CELF4: variants seen among roughly 807,000 people sequenced by gnomAD.
CELF4 encodes CUGBP Elav-like family member 4.
In CELF4, 18 loss-of-function variants were observed where a neutral mutation model predicts 59.9. That is an observed-to-expected ratio of 0.30 (90% CI 0.21 to 0.45). The LOEUF (loss-of-function observed/expected upper bound fraction) is 0.45, where lower values mean the gene tolerates loss of function less well. Ranked by LOEUF, CELF4 falls within the 20% of genes least tolerant of loss-of-function variation. CELF4 has a pLI of 1.00. For synonymous variants in CELF4, 261 were observed against 267.1 expected (o/e 0.98, Z 0.22); for missense variants, 456 against 689.0 (o/e 0.66, Z 3.79).
chr18:37,255,229 T>C (rs1359531854), intron 11 of CELF4, among the ~76,000 whole-genome samples: 1 of 152,076 alleles, frequency 6.6e-6, no homozygotes, highest in Non-Finnish European at 1.5e-5. Context: ...GGGAGTGAAG[T>C]AGAAGCCGTC....
At chr18:37,303,622 T>TC (rs1268321921) in intron 3 of CELF4, among the ~76,000 whole-genome samples, 1 of 152,082 alleles carries the variant, frequency 6.6e-6, no homozygotes. Flanking sequence ...CAACACGTCC[T>TC]CCTTTTTAGA....
intron 11 of CELF4, 41 bp downstream of exon 11, chr18:37,259,140 A>G: frequency 1.2e-6 from 2 of 1,613,570 alleles, no homozygotes; most frequent in Non-Finnish European, 1.7e-6. Flanking sequence ...TACTTTGGTT[A>G]GTCGCCCGAT....
chr18:37,348,822 C>A (rs906798752), intron 2 of CELF4, among the ~76,000 whole-genome samples: 1 of 152,184 alleles, frequency 6.6e-6, no homozygotes, highest in Non-Finnish European at 1.5e-5. Context: ...AGGCCCAGCC[C>A]ATCCTCTGCT....
intron 2 of CELF4, among the ~76,000 whole-genome samples, chr18:37,421,857 G>C (rs1416347070): frequency 6.6e-6 from 1 of 152,250 alleles, no homozygotes; most frequent in African/African-American, 2.4e-5. Flanking sequence ...CAGTCAGCAT[G>C]GATTAGCATG....
At chr18:37,338,903 T>C (rs2097885409) in intron 2 of CELF4, among the ~76,000 whole-genome samples, 1 of 151,872 alleles carries the variant, frequency 6.6e-6, no homozygotes, top group Non-Finnish European at 1.5e-5. Context: ...TTTTCTTCCC[T>C]CCACCTTTCT....
intron 3 of CELF4, among the ~76,000 whole-genome samples, chr18:37,289,482 G>A (rs1569535036): frequency 6.6e-6 from 1 of 152,194 alleles, no homozygotes; most frequent in Non-Finnish European, 1.5e-5. Context: ...GCCAGGAGCA[G>A]GTGGTCTGGG....
intron 1 of CELF4, among the ~76,000 whole-genome samples, chr18:37,551,083 A>G (rs920268728): frequency 5.9e-5 from 9 of 152,042 alleles, no homozygotes; most frequent in Non-Finnish European, 1.2e-4. Flanking sequence ...TGGGGAGTGT[A>G]GAGGCTGGAT....
intron 2 of CELF4, among the ~76,000 whole-genome samples, chr18:37,348,423 C>A (rs1204378287): frequency 6.6e-6 from 1 of 152,184 alleles, no homozygotes; most frequent in Non-Finnish European, 1.5e-5. Context: ...AATGCACCCC[C>A]GGTCCTGTCC....
intron 3 of CELF4, among the ~76,000 whole-genome samples, chr18:37,321,286 C>T (rs1254219160): frequency 6.6e-6 from 1 of 152,194 alleles, no homozygotes; most frequent in African/African-American, 2.4e-5. Flanking sequence ...AGGCTGTGTC[C>T]TTCCCCTCTG....
At chr18:37,536,114 C>T (rs537672160) in intron 1 of CELF4, among the ~76,000 whole-genome samples, 85 of 152,120 alleles carry the variant, frequency 5.6e-4, no homozygotes, top group African/African-American at 1.5e-3. Flanking sequence ...TTTCCCCTGA[C>T]GCCTGGACAT....
intron 7 of CELF4, among the ~76,000 whole-genome samples, 187 bp downstream of exon 7, chr18:37,272,829 A>T (rs1032986775): frequency 2.0e-5 from 3 of 152,174 alleles, no homozygotes; most frequent in Non-Finnish European, 4.4e-5. Flanking sequence ...CCCATATCTC[A>T]TCTTCCCTTG....
chr18:37,449,940 G>A (rs1443004889), intron 2 of CELF4, among the ~76,000 whole-genome samples: 1 of 152,224 alleles, frequency 6.6e-6, no homozygotes, highest in Non-Finnish European at 1.5e-5. Flanking sequence ...CATGAGCCCA[G>A]GACAGGCAGT....
chr18:37,417,446 C>T (rs941695852), intron 2 of CELF4, among the ~76,000 whole-genome samples: 2 of 152,222 alleles, frequency 1.3e-5, no homozygotes, highest in African/African-American at 2.4e-5. Context: ...CTCCCTTTCC[C>T]TATGTTCAAG....
intron 2 of CELF4, among the ~76,000 whole-genome samples, chr18:37,322,585 G>A (rs1004858321): frequency 6.6e-6 from 1 of 152,188 alleles, no homozygotes; most frequent in Non-Finnish European, 1.5e-5. Flanking sequence ...CCCTCTCGGG[G>A]ATCTGTGTCA....
At chr18:37,495,647 C>A (rs1009717324) in intron 1 of CELF4, among the ~76,000 whole-genome samples, 10 of 152,114 alleles carry the variant, frequency 6.6e-5, no homozygotes, top group Admixed American at 3.3e-4. Context: ...CTTGCTGGAG[C>A]TCTTCATGGC....
chr18:37,271,445 G>A (rs2091250122), intron 7 of CELF4, among the ~76,000 whole-genome samples: 1 of 151,984 alleles, frequency 6.6e-6, no homozygotes, highest in East Asian at 1.9e-4. Context: ...TAGTAGGGTT[G>A]GGGTTTCGCC....
At chr18:37,477,201 T>C (rs1010135835) in intron 2 of CELF4, among the ~76,000 whole-genome samples, 2 of 152,134 alleles carry the variant, frequency 1.3e-5, no homozygotes, top group African/African-American at 4.8e-5. Context: ...AGGCTGGGAA[T>C]CCAAGATGGG....
At chr18:37,418,080 A>G (rs1445967162) in intron 2 of CELF4, among the ~76,000 whole-genome samples, 1 of 152,188 alleles carries the variant, frequency 6.6e-6, no homozygotes, top group Non-Finnish European at 1.5e-5. Context: ...TTTCAAGGCA[A>G]AAGTGATCTG....
intron 12 of CELF4, among the ~76,000 whole-genome samples, chr18:37,251,525 C>T (rs1048547755): frequency 6.6e-6 from 1 of 152,208 alleles, no homozygotes; most frequent in Non-Finnish European, 1.5e-5. Context: ...CGGGACATGA[C>T]CCTGCCTGAT....
Sources: gnomAD v4.1 joint callset for allele counts (sites outside exome capture counted in the v4.1 genomes callset) on GRCh38, gnomAD v4.1.1 for gene constraint, MANE v1.5 for transcripts, NCBI Gene and HGNC (gene_info 2026-07-23, HGNC 2026-07-21) for gene names.